The following CDKN2B-AS1 variants were observed in gnomAD, a reference collection of about 807,000 sequenced individuals.
CDKN2B-AS1 encodes the protein CDKN2B antisense RNA 1 (non-protein coding).
chr9:22,036,500 G>A (rs985904560), intron 1 of CDKN2B-AS1, among the ~76,000 whole-genome samples: 8 of 152,126 alleles, frequency 5.3e-5, no homozygotes, highest in Admixed American at 2.0e-4. Context: ...AAATTGTTTC[G>A]TCCTGCTTTT....
chr9:22,010,829 T>G (rs1186590912), intron 1 of CDKN2B-AS1, among the ~76,000 whole-genome samples: 1 of 152,228 alleles, frequency 6.6e-6, no homozygotes, highest in Non-Finnish European at 1.5e-5. Context: ...TCAGAAAAGT[T>G]AGGACAAGAT....
intron 4 of CDKN2B-AS1, among the ~76,000 whole-genome samples, chr9:22,091,160 C>A (rs201197740): frequency 6.6e-6 from 1 of 152,158 alleles, no homozygotes; most frequent in South Asian, 2.1e-4. Flanking sequence ...TATTTCTGAG[C>A]GCTTTGTTCT....
In CDKN2B-AS1 at chr9:22,094,741, C is replaced by A. The variant is rs1207398055; in HGVS notation, n.439-32362C>A. ...AATTTTTTTTCAAGGTTTTTAACTTCTTTGCCATGGGTTCGAACTTCCTCC... is the reference window on the plus strand; with the variant it reads ...AATTTTTTTTCAAGGTTTTTAACTTATTTGCCATGGGTTCGAACTTCCTCC... On this transcript the variant is annotated intron_variant and non_coding_transcript_variant, in intron 4 of 4. Coordinates refer to ENST00000650946, the Ensembl canonical transcript of CDKN2B-AS1. Among the ~76,000 whole-genome samples the A allele has an allele frequency of 1.4e-5, 2 of 143,792 alleles. 1 individual carries two copies. The highest frequency in any genetic ancestry group is 5.8e-5 in the African/African-American group (2 of 34,196). 94.3% of individuals were successfully genotyped at this position (143,792 alleles called of 152,430 possible). A position where few individuals can be genotyped will look rare whatever the true frequency, so the allele number is the denominator to read the frequency against.
At chr9:22,097,902 C>G (rs1825339484) in intron 4 of CDKN2B-AS1, among the ~76,000 whole-genome samples, 1 of 152,180 alleles carries the variant, frequency 6.6e-6, no homozygotes, top group African/African-American at 2.4e-5. Context: ...CTGTTCTAGT[C>G]ATGCAGTTTC....
intron 1 of CDKN2B-AS1, among the ~76,000 whole-genome samples, chr9:22,026,966 C>CAAGGGA (rs1440113854): frequency 2.0e-5 from 3 of 152,292 alleles, no homozygotes; most frequent in African/African-American, 7.2e-5. Flanking sequence ...CTTGACTCCA[C>CAAGGGA]GTCTTTCCCA....
chr9:22,120,809 AT>A, intron 4 of CDKN2B-AS1: 1 of 152,054 alleles, frequency 6.6e-6, no homozygotes, highest in Non-Finnish European at 1.5e-5. Context: ...CATCATCATC[AT>A]CATCATTATC....
chr9:22,112,550 T>G (rs904378217), intron 4 of CDKN2B-AS1, among the ~76,000 whole-genome samples: 2 of 152,180 alleles, frequency 1.3e-5, no homozygotes, highest in African/African-American at 4.8e-5. Flanking sequence ...TTGGAATCAC[T>G]TGGTTTGACT....
chr9:22,058,957 C>G (rs572674676), intron 4 of CDKN2B-AS1: 2 of 165,222 alleles, frequency 1.2e-5, no homozygotes, highest in East Asian at 3.5e-4. Flanking sequence ...ACTTATTCCA[C>G]TATCAAGAGA....
At chr9:22,015,397 A>G (rs1821701625) in intron 1 of CDKN2B-AS1, among the ~76,000 whole-genome samples, 1 of 152,178 alleles carries the variant, frequency 6.6e-6, no homozygotes, top group Non-Finnish European at 1.5e-5. Context: ...AAGTTTTTAA[A>G]TCAGGTAATG....
chr9:22,060,132 T>G (rs1823754488), intron 4 of CDKN2B-AS1, among the ~76,000 whole-genome samples: 1 of 152,250 alleles, frequency 6.6e-6, no homozygotes, highest in Admixed American at 6.5e-5. Flanking sequence ...CTTATGCAAA[T>G]TTCTACAGCT....
At chr9:22,063,849 G>A (rs931636549) in intron 4 of CDKN2B-AS1, 2 of 152,414 alleles carry the variant, frequency 1.3e-5, no homozygotes, top group Non-Finnish European at 2.9e-5. Context: ...AGGCAGCTGG[G>A]GAAGAGAGTG....
intron 4 of CDKN2B-AS1, among the ~76,000 whole-genome samples, chr9:22,068,225 T>C (rs1248875785): frequency 2.6e-5 from 4 of 152,228 alleles, no homozygotes; most frequent in Non-Finnish European, 5.9e-5. Flanking sequence ...CATACATCTT[T>C]GTTCACAACT....
chr9:22,067,219 A>G (rs1824079794), intron 4 of CDKN2B-AS1, among the ~76,000 whole-genome samples: 1 of 152,100 alleles, frequency 6.6e-6, no homozygotes, highest in African/African-American at 2.4e-5. Context: ...ATAATAATAA[A>G]CAAAAAAAAC....
At chr9:22,002,672 T>C (rs1333645568) in intron 1 of CDKN2B-AS1, among the ~76,000 whole-genome samples, 1 of 152,036 alleles carries the variant, frequency 6.6e-6, no homozygotes, top group Non-Finnish European at 1.5e-5. Flanking sequence ...ATTAGGGAAA[T>C]AAAATATCAT....
intron 1 of CDKN2B-AS1, chr9:22,032,561 A>G (rs1587431091): frequency 2.0e-5 from 3 of 152,072 alleles, no homozygotes; most frequent in Admixed American, 2.0e-4. Flanking sequence ...GAGTTTATTC[A>G]TTGTTGTCCA....
At chr9:22,098,316 A>G (rs1825359426) in intron 4 of CDKN2B-AS1, among the ~76,000 whole-genome samples, 1 of 151,700 alleles carries the variant, frequency 6.6e-6, no homozygotes, top group African/African-American at 2.4e-5. Flanking sequence ...AGAGGGGACT[A>G]TAATATATCT....
rs1268290172 is a variant in CDKN2B-AS1 at position 22,005,006 on chromosome 9, A to G, written n.29+9845A>G. 8.6e-6 allele frequency: 2 copies of G among 233,216 alleles called. No individual in the cohort carries two copies. Among genetic ancestry groups the G allele is most frequent in the Non-Finnish European group, 1.7e-5 (2 of 118,076 alleles). The allele number at this position is 233,216 out of a possible 1,614,324, so 14.4% of individuals were successfully genotyped here. A position where few individuals can be genotyped will look rare whatever the true frequency, so the allele number is the denominator to read the frequency against. On this transcript the variant is annotated intron_variant and non_coding_transcript_variant, in intron 1 of 4. Transcript: ENST00000650946. This position sits in a 1 kb window ranked among gnomAD's most constrained non-coding sequence, Gnocchi z 4.9. The stretch of plus-strand genomic sequence containing the variant: ...TTAACTGAGAGCCACTAGTTATGTT[A>G]CTTAAAATCTCCCCATTAAATAAGA...
intron 4 of CDKN2B-AS1, among the ~76,000 whole-genome samples, chr9:22,094,201 G>A (rs1042392985): frequency 1.4e-5 from 2 of 143,766 alleles, no homozygotes; most frequent in Non-Finnish European, 3.0e-5. Context: ...TTAGTCTGAT[G>A]GGCTTCCCTT....
chr9:22,005,226 C>G lies in CDKN2B-AS1; in HGVS notation n.29+10065C>G, dbSNP rs1224848100. The G allele has an allele frequency of 4.3e-6, 1 of 233,476 alleles. No individual in the cohort carries two copies. Among genetic ancestry groups the G allele is most frequent in the Admixed American group, 5.6e-5 (1 of 17,804 alleles). The allele number at this position is 233,476 out of a possible 1,614,324, so 14.5% of individuals were successfully genotyped here. A position where few individuals can be genotyped will look rare whatever the true frequency, so the allele number is the denominator to read the frequency against. ...CTGTGTAGTCTGCCTGCGGAACCCGCGGGAATCTCTCCTCAGTGTAGTAAG... is the reference window on the plus strand; with the variant it reads ...CTGTGTAGTCTGCCTGCGGAACCCGGGGGAATCTCTCCTCAGTGTAGTAAG... On this transcript the variant is annotated intron_variant and non_coding_transcript_variant, in intron 1 of 4. Transcript: ENST00000650946. The surrounding 1 kb of genome is among the most constrained non-coding windows in gnomAD (Gnocchi z 4.9).
Sources: gnomAD v4.1 joint callset for allele counts (sites outside exome capture counted in the v4.1 genomes callset) on GRCh38, gnomAD v4.1.1 for gene constraint, Gnocchi (gnomAD v3.1) non-coding constraint, MANE v1.5 for transcripts, NCBI Gene and HGNC (gene_info 2026-07-23, HGNC 2026-07-21) for gene names.